The following ZNF503 variants were observed in gnomAD, a reference collection of about 807,000 sequenced individuals.
ZNF503 encodes NocA-like zinc finger 2.
Under a neutral mutation model 34.4 loss-of-function variants are expected in ZNF503, and 15 were observed. That is an observed-to-expected ratio of 0.44 (90% CI 0.29 to 0.67). The LOEUF (loss-of-function observed/expected upper bound fraction) is 0.67, where lower values mean the gene tolerates loss of function less well. Ranked by LOEUF, ZNF503 falls within the 30% of genes least tolerant of loss-of-function variation. The pLI, the probability that ZNF503 is intolerant of heterozygous loss-of-function variation, is 0.13. For synonymous variants in ZNF503, 580 were observed against 456.8 expected (o/e 1.27, Z -3.44); for missense variants, 1,007 against 926.8 (o/e 1.09, Z -1.12).
the ZNF503 span, among the ~76,000 whole-genome samples, chr10:75,356,795 C>T: frequency 4.6e-5 from 7 of 152,296 alleles, no homozygotes; most frequent in South Asian, 1.4e-3. Flanking sequence ...TCTCCAGCCT[C>T]CTGGGAAACA....
chr10:75,400,395 G>C lies in ZNF503; in HGVS notation c.316-21C>G, dbSNP rs780991979. 40 of 1,590,146 alleles carry C rather than the reference G, an allele frequency of 2.5e-5. 2 individuals carry two copies. In the South Asian group the frequency reaches 3.4e-4, roughly 13 times the overall value. The stretch of plus-strand genomic sequence containing the variant: ...TCGAGCTGCGGGGTCAGACGATGGG[G>C]GGGGAGCGTCACACAGAGAAAGAAG... On this transcript the variant is annotated intron_variant, in intron 1 of 1. Coordinates refer to ENST00000372524, the MANE Select transcript of ZNF503 (RefSeq NM_032772.6).
the ZNF503 span, among the ~76,000 whole-genome samples, chr10:75,330,692 AAT>A: frequency 6.6e-6 from 1 of 152,048 alleles, no homozygotes; most frequent in Non-Finnish European, 1.5e-5. Flanking sequence ...TATCAGTTGT[AAT>A]ACCTTTTTGA....
chr10:75,397,588 G>T (rs1843716252), downstream of ZNF503, among the ~76,000 whole-genome samples: 2 of 152,104 alleles, frequency 1.3e-5, no homozygotes, highest in Admixed American at 6.5e-5. Context: ...AAATAAAAAC[G>T]AAATGATAGA....
the ZNF503 span, among the ~76,000 whole-genome samples, chr10:75,326,702 A>AT: frequency 2.3e-3 from 334 of 147,654 alleles, no homozygotes; most frequent in Non-Finnish European, 4.1e-3. Flanking sequence ...GTACAGTGTG[A>AT]TTTTTTTTTC....
chr10:75,401,368 C>CGCCGCCGCT lies in ZNF503; in HGVS notation c.51_52insAGCGGCGGC (p.Gly17_Gly18insSerGlyGly). ...CCGCCTCCGCCTCCGCCGCCGCCGC[C>CGCCGCCGCT]GCCGCTGTGCTTACTGCTTCTTAGG... On this transcript the variant is annotated inframe_insertion, in exon 1 of 2. Transcript: ENST00000372524. 2 of 1,539,180 alleles carry CGCCGCCGCT rather than the reference C, an allele frequency of 1.3e-6. No homozygotes were observed. The highest frequency in any genetic ancestry group is 1.7e-6 in the Non-Finnish European group (2 of 1,146,556).
At chr10:75,325,947 C>T in the ZNF503 span, among the ~76,000 whole-genome samples, 1 of 151,944 alleles carries the variant, frequency 6.6e-6, no homozygotes, top group Non-Finnish European at 1.5e-5. Flanking sequence ...CAGTCTTCAA[C>T]TCCTGGATTC....
At chr10:75,371,191 A>G in the ZNF503 span, among the ~76,000 whole-genome samples, 2 of 152,134 alleles carry the variant, frequency 1.3e-5, no homozygotes, top group African/African-American at 2.4e-5. Context: ...GGGAGCTCCA[A>G]AATTCCTTGT....
chr10:75,395,706 C>T (rs571310895), downstream of ZNF503, among the ~76,000 whole-genome samples: 5 of 152,356 alleles, frequency 3.3e-5, no homozygotes, highest in South Asian at 6.2e-4. The surrounding 1 kb of genome is among the most constrained non-coding windows in gnomAD (Gnocchi z 4.4). Flanking sequence ...TCGGATCCGT[C>T]CAACACGTCG....
chr10:75,389,028 C>A, the ZNF503 span, among the ~76,000 whole-genome samples: 5 of 152,198 alleles, frequency 3.3e-5, no homozygotes, highest in Admixed American at 6.5e-5. Flanking sequence ...CTTCCCTCAA[C>A]CCACAAAAGG....
At chr10:75,401,072 G>A (rs1040749470) in intron 1 of ZNF503, 33 bp downstream of exon 1, 5 of 1,613,066 alleles carry the variant, frequency 3.1e-6, no homozygotes, top group Admixed American at 1.7e-5. Flanking sequence ...CCAGGGTAGT[G>A]GTCCCAGTGC....
chr10:75,294,157 A>G, the ZNF503 span, among the ~76,000 whole-genome samples: 1 of 152,232 alleles, frequency 6.6e-6, no homozygotes, highest in Non-Finnish European at 1.5e-5. Context: ...AGTCCATCCC[A>G]CATGCCTTAT....
At chr10:75,286,155 C>T in the ZNF503 span, among the ~76,000 whole-genome samples, 4 of 151,894 alleles carry the variant, frequency 2.6e-5, no homozygotes, top group Non-Finnish European at 4.4e-5. Flanking sequence ...TGGTGGCACG[C>T]GCCTGTAGTC....
At chr10:75,348,499 C>T in the ZNF503 span, among the ~76,000 whole-genome samples, 2 of 142,590 alleles carry the variant, frequency 1.4e-5, no homozygotes, top group Admixed American at 1.4e-4. Context: ...CGCCTGGCCC[C>T]TATTACTATT....
At chr10:75,384,222 C>T in the ZNF503 span, among the ~76,000 whole-genome samples, 1 of 151,994 alleles carries the variant, frequency 6.6e-6, no homozygotes, top group East Asian at 1.9e-4. Flanking sequence ...CCCCTCTCTC[C>T]CTCCCTCCTG....
the ZNF503 span, among the ~76,000 whole-genome samples, chr10:75,336,966 G>T: frequency 1.3e-5 from 2 of 152,182 alleles, no homozygotes; most frequent in African/African-American, 4.8e-5. Context: ...TTGTCTTACT[G>T]GGTTAAGCCC....
chr10:75,280,002 G>T, the ZNF503 span: 5 of 152,178 alleles, frequency 3.3e-5, no homozygotes, highest in Admixed American at 1.3e-4. Context: ...AATGAATTTT[G>T]TGGGGACTAT....
the ZNF503 span, among the ~76,000 whole-genome samples, chr10:75,283,616 C>A: frequency 6.6e-6 from 1 of 152,092 alleles, no homozygotes; most frequent in Non-Finnish European, 1.5e-5. Flanking sequence ...GCATCGGGAA[C>A]CCAACCCAAG....
At chr10:75,323,038 A>C in the ZNF503 span, among the ~76,000 whole-genome samples, 1 of 152,068 alleles carries the variant, frequency 6.6e-6, no homozygotes, top group Non-Finnish European at 1.5e-5. Context: ...ACAATCCATT[A>C]CTCCAAAATT....
At chr10:75,304,587 AC>A in the ZNF503 span, among the ~76,000 whole-genome samples, 2 of 152,196 alleles carry the variant, frequency 1.3e-5, no homozygotes, top group African/African-American at 4.8e-5. Context: ...ATGTTCCTAA[AC>A]CTGCTTATGT....
Sources: allele counts gnomAD v4.1 joint callset (sites outside exome capture counted in the v4.1 genomes callset), GRCh38; gene constraint gnomAD v4.1.1; non-coding constraint Gnocchi (gnomAD v3.1); transcripts MANE v1.5; gene names NCBI Gene and HGNC (gene_info 2026-07-23, HGNC 2026-07-21).